Variants in ARMH4 observed in about 807,000 individuals in gnomAD.
The protein encoded by ARMH4 is armadillo like helical domain containing 4.
ARMH4 carries 49 observed loss-of-function variants against 61.9 expected under a neutral mutation model. The ratio of observed to expected loss-of-function variants is 0.79; its 90% confidence interval spans 0.63 to 1.00. The LOEUF (loss-of-function observed/expected upper bound fraction) is 1.00, where lower values mean the gene tolerates loss of function less well. Ranked by LOEUF, ARMH4 falls within the 50% of genes least tolerant of loss-of-function variation. The pLI is 0.00. For synonymous variants in ARMH4, 368 were observed against 341.5 expected, an observed-to-expected ratio of 1.08 and a Z score of -0.85; for missense variants, 934 against 930.0, an observed-to-expected ratio of 1.00 and a Z score of -0.06.
At chr14:58,085,744 T>G (rs557699931) in intron 5 of ARMH4, among the ~76,000 whole-genome samples, 9 of 152,194 alleles carry the variant, frequency 5.9e-5, no homozygotes, top group Non-Finnish European at 1.3e-4. Flanking sequence ...AAAATCAAGA[T>G]AGATAATTTG....
intron 5 of ARMH4, among the ~76,000 whole-genome samples, chr14:58,034,500 A>G (rs370308860): frequency 7.9e-6 from 1 of 127,368 alleles, no homozygotes; most frequent in African/African-American, 2.9e-5. Context: ...ATCAACTAAC[A>G]AGCAAAATCA....
chr14:58,085,286 T>G (rs1333749410), intron 5 of ARMH4, among the ~76,000 whole-genome samples: 1 of 152,090 alleles, frequency 6.6e-6, no homozygotes, highest in Non-Finnish European at 1.5e-5. Flanking sequence ...TCCTCTGTAT[T>G]TTTTCAAAGA....
rs1327519033 is a variant in ARMH4, at chr14:58,138,996, T to A, written c.363A>T (p.Ser121=). The change falls in exon 2 of 8, where the codon TCA becomes TCT. Residue 121 remains serine (S), a synonymous_variant. Transcript: ENST00000267485. ...GGCTGGAACCAAATACTTCTTCAGC[T>A]GAGGGGACACCTGACTCAGTAGGTG... The part of the protein sequence containing the change: ...VSTPTESGVP[S]AEEVFGSSQP... The A allele has an allele frequency of 6.2e-7, 1 of 1,614,232 alleles. No homozygotes were observed. The highest frequency in any genetic ancestry group is 2.2e-5 in the East Asian group (1 of 44,886).
chr14:58,148,849 A>G (rs1353468896), intron 1 of ARMH4, among the ~76,000 whole-genome samples: 3 of 110,778 alleles, frequency 2.7e-5, no homozygotes, highest in African/African-American at 1.4e-4. Flanking sequence ...AGTTTATTAC[A>G]CACACACACA....
At position 58,069,240 on chromosome 14, in the gene ARMH4, T is replaced by C. The variant is rs75536601; in HGVS notation, c.2089+27484A>G. ...TGTGATATCCACTTCCACCCATGCA[T>C]GTATGCAGAGTACGTTCATTCATTT... On this transcript the variant is annotated intron_variant, in intron 5 of 7. Transcript: ENST00000267485. Among the ~76,000 whole-genome samples, 308 of 152,318 alleles carry C rather than the reference T, an allele frequency of 2.0e-3. 9 individuals are homozygous for C. The East Asian group carries it at 0.051, about 25-fold the overall frequency.
intron 1 of ARMH4, among the ~76,000 whole-genome samples, chr14:58,150,742 C>T (rs1345995937): frequency 6.7e-6 from 1 of 150,076 alleles, no homozygotes; most frequent in South Asian, 2.2e-4. Flanking sequence ...ATTATTGTGA[C>T]AAATACAAAA....
chr14:58,080,732 T>G (rs1390659515), intron 5 of ARMH4, among the ~76,000 whole-genome samples: 3 of 151,998 alleles, frequency 2.0e-5, no homozygotes, highest in Non-Finnish European at 2.9e-5. Flanking sequence ...TGTGTGACAG[T>G]GAGGTTGAAT....
intron 2 of ARMH4, among the ~76,000 whole-genome samples, chr14:58,135,742 T>G (rs1333770640): frequency 5.9e-5 from 9 of 152,058 alleles, no homozygotes; most frequent in Non-Finnish European, 1.5e-5. Context: ...GTTAATAATA[T>G]CTAAAAACAC....
At chr14:58,007,811 CAATGTATTATTCCAACCAGG>C (rs1371565505) in intron 6 of ARMH4, among the ~76,000 whole-genome samples, 1 of 152,090 alleles carries the variant, frequency 6.6e-6, no homozygotes, top group Non-Finnish European at 1.5e-5. Flanking sequence ...ACAATTGCAC[CAATGTATTATTCCAACCAGG>C]AATGCATAAC....
intron 6 of ARMH4, among the ~76,000 whole-genome samples, chr14:58,008,067 T>C (rs1882248837): frequency 6.6e-6 from 1 of 152,164 alleles, no homozygotes; most frequent in African/African-American, 2.4e-5. Flanking sequence ...ATATTTTGGG[T>C]TTGTTGAAAA....
At chr14:58,150,974 A>C (rs1887901464) in intron 1 of ARMH4, among the ~76,000 whole-genome samples, 1 of 152,218 alleles carries the variant, frequency 6.6e-6, no homozygotes. Flanking sequence ...GATCAAGGAA[A>C]TACACCAAAA....
intron 4 of ARMH4, among the ~76,000 whole-genome samples, chr14:58,109,368 CTTT>C (rs1054047453): frequency 6.6e-6 from 1 of 152,116 alleles, no homozygotes; most frequent in Non-Finnish European, 1.5e-5. Context: ...TGTCCCAGAA[CTTT>C]TTGTTTGTTT....
intron 5 of ARMH4, among the ~76,000 whole-genome samples, chr14:58,076,123 G>C (rs1477793133): frequency 1.3e-5 from 2 of 151,642 alleles, no homozygotes; most frequent in African/African-American, 4.8e-5. Flanking sequence ...AAGGGGAGGA[G>C]GAGGAGGAGG....
chr14:58,076,920 G>A (rs1032851065), intron 5 of ARMH4, among the ~76,000 whole-genome samples: 8 of 152,088 alleles, frequency 5.3e-5, no homozygotes, highest in East Asian at 1.9e-4. Flanking sequence ...TCCTCCCATC[G>A]GGGCCACTAG....
At chr14:58,137,190 T>C (rs1038539186) in intron 2 of ARMH4, among the ~76,000 whole-genome samples, 2 of 152,178 alleles carry the variant, frequency 1.3e-5, no homozygotes, top group African/African-American at 2.4e-5. Flanking sequence ...GCTATTAACA[T>C]GTTGGCTGGG....
intron 4 of ARMH4, among the ~76,000 whole-genome samples, chr14:58,120,758 T>C (rs762994420): frequency 6.6e-6 from 1 of 152,212 alleles, no homozygotes; most frequent in Non-Finnish European, 1.5e-5. Flanking sequence ...ATTCAGATTT[T>C]AGTTAATCTC....
intron 4 of ARMH4, among the ~76,000 whole-genome samples, chr14:58,126,790 C>T (rs1235462814): frequency 6.6e-6 from 1 of 150,626 alleles, no homozygotes; most frequent in Non-Finnish European, 1.5e-5. Context: ...TTAAACGTAG[C>T]TTCTCCATTG....
intron 5 of ARMH4, among the ~76,000 whole-genome samples, chr14:58,072,677 G>A (rs1036586396): frequency 6.6e-6 from 1 of 151,722 alleles, no homozygotes. Context: ...AGCCGAGATC[G>A]CACCACTGCA....
intron 4 of ARMH4, among the ~76,000 whole-genome samples, chr14:58,112,566 A>G (rs778127842): frequency 6.6e-6 from 1 of 152,194 alleles, no homozygotes; most frequent in Non-Finnish European, 1.5e-5. Flanking sequence ...TATATTTTAT[A>G]CAGAGTGCTT....
Sources: gnomAD v4.1 joint callset for allele counts (sites outside exome capture counted in the v4.1 genomes callset) on GRCh38, gnomAD v4.1.1 for gene constraint, MANE v1.5 for transcripts, NCBI Gene and HGNC (gene_info 2026-07-23, HGNC 2026-07-21) for gene names.